Variants in BCAT1 observed in about 807,000 individuals in gnomAD.
The protein encoded by BCAT1 is branched-chain-amino-acid aminotransferase, cytosolic.
BCAT1 carries 48 observed loss-of-function variants against 52.4 expected under a neutral mutation model. That is an observed-to-expected ratio of 0.92 (90% CI 0.73 to 1.16). The LOEUF (loss-of-function observed/expected upper bound fraction) is 1.16. BCAT1 is among the 50% of genes most tolerant of loss of function. The probability of loss-of-function intolerance (pLI) is 0.00; values close to 1 mark genes in which losing one functional copy is unlikely to be tolerated. For synonymous variants in BCAT1, 167 were observed against 161.3 expected, an observed-to-expected ratio of 1.04 and a Z score of -0.27; for missense variants, 451 against 457.1, an observed-to-expected ratio of 0.99 and a Z score of 0.12.
rs1164131893 is a variant in BCAT1, at chr12:24,817,948, T to TCTGTC, written c.*55_*59dup. On this transcript the variant is annotated 3_prime_UTR_variant, in exon 11 of 11. Coordinates refer to ENST00000261192, the MANE Select transcript of BCAT1 (RefSeq NM_005504.7). ...ATCTATCACAATTCAAATGCAACAGTCTGTCCCAGTAGCATACAGTTGGTA... is the reference window on the plus strand; with the variant it reads ...ATCTATCACAATTCAAATGCAACAGTCTGTCCTGTCCCAGTAGCATACAGTTGGTA... 6.5e-7 allele frequency: 1 copy of TCTGTC among 1,539,072 alleles called. No homozygotes were observed. Among genetic ancestry groups the TCTGTC allele is most frequent in the African/African-American group, 1.4e-5 (1 of 73,412 alleles).
intron 1 of BCAT1, among the ~76,000 whole-genome samples, chr12:24,940,018 G>A (rs1943824026): frequency 6.6e-6 from 1 of 151,946 alleles, no homozygotes; most frequent in Non-Finnish European, 1.5e-5. Flanking sequence ...CAGTGAAAAG[G>A]CTCACGGTAA....
chr12:24,898,522 T>C (rs12818299), intron 2 of BCAT1, among the ~76,000 whole-genome samples: 1 of 115,570 alleles, frequency 8.7e-6, no homozygotes, highest in Admixed American at 9.1e-5. Flanking sequence ...AGTCAACACT[T>C]TTTTTTTTTT....
chr12:24,930,125 T>C (rs1016015291), intron 1 of BCAT1, among the ~76,000 whole-genome samples: 2 of 152,218 alleles, frequency 1.3e-5, no homozygotes, highest in East Asian at 1.9e-4. Context: ...TGGCTTTCTA[T>C]TGCATCATGG....
At chr12:24,845,806 C>T (rs1291829363) in intron 6 of BCAT1, among the ~76,000 whole-genome samples, 1 of 152,104 alleles carries the variant, frequency 6.6e-6, no homozygotes, top group Non-Finnish European at 1.5e-5. Flanking sequence ...CCTGTAATCC[C>T]AGTGACTCAG....
Position 24,811,184 on chromosome 12 carries a change from T to C in BCAT1, c.*6824A>G, listed in dbSNP as rs1939666484. The C allele has an allele frequency of 6.6e-6, 1 of 152,214 alleles. No individual in the cohort carries two copies. Among genetic ancestry groups the C allele is most frequent in the South Asian group, 2.1e-4 (1 of 4,830 alleles). The allele number at this position is 152,214 out of a possible 1,614,324, so 9.4% of individuals were successfully genotyped here. On this transcript the variant is annotated 3_prime_UTR_variant, in exon 11 of 11. Coordinates refer to ENST00000261192, the MANE Select transcript of BCAT1 (RefSeq NM_005504.7). ...GAAAAAGAAACATATTGAATCTCTA[T>C]CCAGTGGTGTGGTTTCTGGTCTTTC...
rs1390590607 is a variant in BCAT1 at position 24,943,777 on chromosome 12, G to C, written c.6+5150C>G. Among the ~76,000 whole-genome samples, 3 of 152,058 alleles carry C rather than the reference G, an allele frequency of 2.0e-5. No individual in the cohort carries two copies. The East Asian group carries it at 5.8e-4, about 29-fold the overall frequency. On this transcript the variant is annotated intron_variant, in intron 1 of 10. Transcript: ENST00000261192. ...AGGCGGGCAGATCACGAGGTCAGGA[G>C]ATCAAGACCTTCCTGGCTAACATGG... is the stretch of plus-strand genomic sequence containing the variant.
intron 10 of BCAT1, among the ~76,000 whole-genome samples, chr12:24,822,739 T>C (rs1353429387): frequency 6.6e-6 from 1 of 152,218 alleles, no homozygotes. Flanking sequence ...TTGTGGTTAG[T>C]TCAGAACCAC....
chr12:24,907,282 G>A (rs1225584955), intron 1 of BCAT1, among the ~76,000 whole-genome samples: 4 of 152,232 alleles, frequency 2.6e-5, no homozygotes, highest in Non-Finnish European at 5.9e-5. Context: ...AGGCTACAGT[G>A]GGTTCCTCTG....
At chr12:24,899,268 G>A (rs1356888087) in intron 2 of BCAT1, among the ~76,000 whole-genome samples, 1 of 152,014 alleles carries the variant, frequency 6.6e-6, no homozygotes, top group African/African-American at 2.4e-5. Context: ...ACCCAAGAGA[G>A]ACCCAAAAGG....
At chr12:24,935,559 A>G (rs1401368502) in intron 1 of BCAT1, among the ~76,000 whole-genome samples, 2 of 152,180 alleles carry the variant, frequency 1.3e-5, no homozygotes, top group African/African-American at 2.4e-5. Flanking sequence ...CACTTTCCTG[A>G]CAATGAATCT....
chr12:24,934,019 G>A (rs563374088), intron 1 of BCAT1, among the ~76,000 whole-genome samples: 58 of 152,146 alleles, frequency 3.8e-4, no homozygotes, highest in Non-Finnish European at 7.1e-4. Flanking sequence ...TGGCAGAGAA[G>A]GGAAAATGGA....
chr12:24,892,059 T>TTTTGTTTTGTTTTG (rs1555112460), intron 3 of BCAT1, among the ~76,000 whole-genome samples: 6 of 144,434 alleles, frequency 4.2e-5, no homozygotes, highest in Non-Finnish European at 7.6e-5. Context: ...GCCTGGCCGT[T>TTTTGTTTTGTTTTG]TTTTGTTTTG....
chr12:24,871,069 G>A (rs1187684059), intron 5 of BCAT1, among the ~76,000 whole-genome samples: 1 of 152,166 alleles, frequency 6.6e-6, no homozygotes, highest in Non-Finnish European at 1.5e-5. Context: ...TGCATGGAAA[G>A]CACTGAGTAC....
chr12:24,923,969 TCAAA>T (rs1461822148), intron 1 of BCAT1, among the ~76,000 whole-genome samples: 25 of 152,200 alleles, frequency 1.6e-4, no homozygotes, highest in Non-Finnish European at 4.4e-5. Context: ...TTATTAAAAA[TCAAA>T]CAAAACAAAA....
chr12:24,941,059 T>C (rs888119962), intron 1 of BCAT1, among the ~76,000 whole-genome samples: 1 of 152,238 alleles, frequency 6.6e-6, no homozygotes, highest in East Asian at 1.9e-4. Context: ...CTTTGTTCTA[T>C]ATTCTAAGAC....
At chr12:24,948,104 C>T (rs1333849431) in intron 1 of BCAT1, among the ~76,000 whole-genome samples, 1 of 152,214 alleles carries the variant, frequency 6.6e-6, no homozygotes, top group Non-Finnish European at 1.5e-5. Flanking sequence ...ACCAGAAGTT[C>T]AGATTGCATT....
intron 7 of BCAT1, among the ~76,000 whole-genome samples, chr12:24,836,916 A>AAGAAAAGAAAGAG: frequency 2.2e-5 from 1 of 45,440 alleles, no homozygotes; most frequent in Non-Finnish European, 6.6e-5. Context: ...GAGAGAAAGA[A>AAGAAAAGAAAGAG]AGAAAGAAAG....
chr12:24,929,885 C>T lies in BCAT1; in HGVS notation c.6+19042G>A, dbSNP rs113903294. Among the ~76,000 whole-genome samples, 674 of 152,274 alleles carry T rather than the reference C, an allele frequency of 4.4e-3. 4 individuals are homozygous for T. Among genetic ancestry groups the T allele is most frequent in the African/African-American group, 0.016 (647 of 41,562 alleles). ...CACAAAATAAATTTATGTCTTTTCT[C>T]CTATTTATCTTTCTACTGTCAGTTT... On this transcript the variant is annotated intron_variant, in intron 1 of 10. Coordinates refer to ENST00000261192, the MANE Select transcript of BCAT1 (RefSeq NM_005504.7).
chr12:24,919,286 C>T (rs542739308), intron 1 of BCAT1, among the ~76,000 whole-genome samples: 5 of 152,206 alleles, frequency 3.3e-5, no homozygotes, highest in Admixed American at 2.0e-4. Flanking sequence ...CTAACTTCCT[C>T]GCATTTCTGG....
Sources: allele counts gnomAD v4.1 joint callset (sites outside exome capture counted in the v4.1 genomes callset), GRCh38; gene constraint gnomAD v4.1.1; transcripts MANE v1.5; gene names NCBI Gene and HGNC (gene_info 2026-07-23, HGNC 2026-07-21).